Variants in SCD observed in about 807,000 individuals in gnomAD.
SCD encodes stearoyl-CoA desaturase.
A neutral mutation model predicts 35.7 loss-of-function variants in SCD; 4 were observed. The observed-to-expected ratio is 0.11, with a 90% CI of 0.06 to 0.26. The LOEUF (loss-of-function observed/expected upper bound fraction) is 0.26. SCD is among the 10% of genes least tolerant of loss of function. The pLI is 1.00. For missense variants in SCD, 282 were observed against 460.7 expected, an observed-to-expected ratio of 0.61 and a Z score of 3.55; for synonymous variants, 150 against 170.2, an observed-to-expected ratio of 0.88 and a Z score of 0.92.
At chr10:100,357,041 C>T (rs932975722) in intron 5 of SCD, among the ~76,000 whole-genome samples, 1 of 152,136 alleles carries the variant, frequency 6.6e-6, no homozygotes, top group African/African-American at 2.4e-5. Context: ...GCTCCGGGCC[C>T]GGCGGCTCAT....
intron 2 of SCD, among the ~76,000 whole-genome samples, chr10:100,349,360 C>T (rs1849847044): frequency 6.6e-6 from 1 of 152,218 alleles, no homozygotes; most frequent in African/African-American, 2.4e-5. Flanking sequence ...AAGCAGGGAG[C>T]TCTGCAGATC....
In SCD at chr10:100,347,494, C is replaced by A. The variant is rs1054411; in HGVS notation, c.-11C>A. 2 of 1,613,528 alleles carry A rather than the reference C, an allele frequency of 1.2e-6. No individual in the cohort carries two copies. The highest frequency in any genetic ancestry group is 1.7e-6 in the Non-Finnish European group (2 of 1,179,798). ...CCCCCTGGAAAGTGATCCCGGCATC[C>A]GAGAGCCAAGATGCCGGCCCACTTG... is the stretch of plus-strand genomic sequence containing the variant. On this transcript the variant is annotated 5_prime_UTR_variant, in exon 1 of 6. Transcript: ENST00000370355.
intron 3 of SCD, among the ~76,000 whole-genome samples, chr10:100,353,887 G>A (rs989835021): frequency 6.6e-6 from 1 of 152,256 alleles, no homozygotes; most frequent in Non-Finnish European, 1.5e-5. Flanking sequence ...AAGTCATGAA[G>A]AAGCCCAGAG....
At position 100,363,387 on chromosome 10, in the gene SCD, T is replaced by C. The variant is rs1850009262; in HGVS notation, c.*2454T>C. 6.6e-6 allele frequency: 1 copy of C among 152,254 alleles called. No individual in the cohort carries two copies. The highest frequency in any genetic ancestry group is 2.1e-4 in the South Asian group (1 of 4,834). 9.4% of individuals were successfully genotyped at this position (152,254 alleles called of 1,614,324 possible). On this transcript the variant is annotated 3_prime_UTR_variant, in exon 6 of 6. Transcript: ENST00000370355. ...CTGGAAGGGAGGAAGGCCTTTCTTC[T>C]GTGTTAATTGCGTAGAGGCTACAGG...
intron 1 of SCD, 41 bp from the exon 2 acceptor site, chr10:100,348,023 C>A (rs747877971): frequency 2.5e-6 from 4 of 1,594,414 alleles, no homozygotes; most frequent in African/African-American, 1.3e-5. Context: ...GCTGCCTCCA[C>A]GTGTCTCTTC....
In SCD at chr10:100,356,398, A is replaced by C. The variant is rs556561013; in HGVS notation, c.648-134A>C. 4 of 708,916 alleles carry C rather than the reference A, an allele frequency of 5.6e-6. No individual in the cohort carries two copies. Among genetic ancestry groups the C allele is most frequent in the Non-Finnish European group, 7.3e-6 (3 of 412,368 alleles). The allele number at this position is 708,916 out of a possible 1,614,324, so 43.9% of individuals were successfully genotyped here. A position where few individuals can be genotyped will look rare whatever the true frequency, so the allele number is the denominator to read the frequency against. On this transcript the variant is annotated intron_variant, in intron 4 of 5. Transcript: ENST00000370355. This position sits in a 1 kb window ranked among gnomAD's most constrained non-coding sequence, Gnocchi z 4.1. ...CAAAAAAAACAAACAAAAATAAATA[A>C]AACAATGAACTTAGAGTCAGACAAG...
Position 100,361,187 on chromosome 10 carries a change from C to T in SCD, c.*254C>T, listed in dbSNP as rs1849986533. 6.3e-6 allele frequency: 3 copies of T among 473,394 alleles called. No individual in the cohort carries two copies. Among genetic ancestry groups the T allele is most frequent in the East Asian group, 7.9e-5 (2 of 25,228 alleles). 29.3% of individuals were successfully genotyped at this position (473,394 alleles called of 1,614,324 possible). ...GTCCTCCTTTTCACTTTATTGCTAT[C>T]GCCCTCCTTTCCCTTATTGCCTCCC... On this transcript the variant is annotated 3_prime_UTR_variant, in exon 6 of 6. Coordinates refer to ENST00000370355, the MANE Select transcript of SCD (RefSeq NM_005063.5).
In SCD at chr10:100,347,487, C is replaced by T. The variant is rs924087783; in HGVS notation, c.-18C>T. On this transcript the variant is annotated 5_prime_UTR_variant, in exon 1 of 6. Transcript: ENST00000370355. ...GCCTCAGCCCCCTGGAAAGTGATCC[C>T]GGCATCCGAGAGCCAAGATGCCGGC... 1.2e-5 allele frequency: 20 copies of T among 1,613,744 alleles called. 1 individual carries two copies. The highest frequency in any genetic ancestry group is 3.3e-5 in the South Asian group (3 of 91,070).
chr10:100,356,646 T>C lies in SCD; in HGVS notation c.762T>C (p.Tyr254=). Residue 254 remains tyrosine, a synonymous_variant, in exon 5 of 6, where the codon TAT becomes TAC. Coordinates refer to ENST00000370355, the MANE Select transcript of SCD (RefSeq NM_005063.5). The surrounding 1 kb of genome is among the most constrained non-coding windows in gnomAD (Gnocchi z 4.1). ...NSVFVATFLR[Y]AVVLNATWLV... ...TGTTCGTTGCCACTTTCTTGCGATA[T>C]GCTGTGGTGCTTAATGCCACCTGGC... is the stretch of plus-strand genomic sequence containing the variant. The C allele has an allele frequency of 1.2e-6, 2 of 1,614,260 alleles. No individual in the cohort carries two copies. The highest frequency in any genetic ancestry group is 2.2e-5 in the East Asian group (1 of 44,890).
At chr10:100,354,765 A>G in intron 4 of SCD, 133 bp downstream of exon 4, 1 of 693,988 alleles carries the variant, frequency 1.4e-6, no homozygotes, top group Non-Finnish European at 2.5e-6. Flanking sequence ...ATCTTAATTT[A>G]AAATCCCAAT....
chr10:100,359,782 T>G (rs1459483009), intron 5 of SCD, among the ~76,000 whole-genome samples: 1 of 152,200 alleles, frequency 6.6e-6, no homozygotes, highest in Non-Finnish European at 1.5e-5. Flanking sequence ...CCATGCCTGA[T>G]TAGGGTCAGT....
At chr10:100,355,838 A>G (rs890200096) in intron 4 of SCD, among the ~76,000 whole-genome samples, 1 of 151,248 alleles carries the variant, frequency 6.6e-6, no homozygotes, top group Non-Finnish European at 1.5e-5. Flanking sequence ...TGAGGGACAG[A>G]GAGCTGCAGG....
At chr10:100,359,378 C>G (rs1258964843) in intron 5 of SCD, among the ~76,000 whole-genome samples, 1 of 152,128 alleles carries the variant, frequency 6.6e-6, no homozygotes, top group East Asian at 1.9e-4. Flanking sequence ...TGGGCTGTCT[C>G]TTGCTGCCCC....
intron 2 of SCD, among the ~76,000 whole-genome samples, chr10:100,348,980 C>A (rs545936545): frequency 6.6e-6 from 1 of 152,322 alleles, no homozygotes; most frequent in East Asian, 1.9e-4. Flanking sequence ...GGGTGCTGCA[C>A]ATACCAGTCA....
intron 3 of SCD, among the ~76,000 whole-genome samples, chr10:100,353,176 AT>A (rs1324579731): frequency 6.6e-6 from 1 of 152,232 alleles, no homozygotes; most frequent in Non-Finnish European, 1.5e-5. Flanking sequence ...AGGTACTATT[AT>A]CCCCATTTTA....
At chr10:100,348,464 A>G (rs1849832197) in intron 2 of SCD, 118 bp downstream of exon 2, 1 of 1,051,006 alleles carries the variant, frequency 9.5e-7, no homozygotes, top group Non-Finnish European at 1.4e-6. Context: ...GGTTTTTCTC[A>G]GGCATTTCTC....
rs1849924073 is a variant in SCD at position 100,356,051 on chromosome 10, A to G, written c.648-481A>G. Among the ~76,000 whole-genome samples, 1 of 152,194 alleles carries G rather than the reference A, an allele frequency of 6.6e-6. No homozygotes were observed. Among genetic ancestry groups the G allele is most frequent in the Admixed American group, 6.5e-5 (1 of 15,280 alleles). On this transcript the variant is annotated intron_variant, in intron 4 of 5. Coordinates refer to ENST00000370355, the MANE Select transcript of SCD (RefSeq NM_005063.5). This position sits in a 1 kb window ranked among gnomAD's most constrained non-coding sequence, Gnocchi z 4.1. ...TTAGTTTGTAGTTTGGACCTCACCT[A>G]TCTTACCAATGTGGTATTATGCTCT...
intron 1 of SCD, 79 bp from the exon 2 acceptor site, chr10:100,347,985 A>G: frequency 1.4e-6 from 2 of 1,415,484 alleles, no homozygotes; most frequent in Non-Finnish European, 2.0e-6. Context: ...CCCTTCCCCC[A>G]GCGTGATTAG....
chr10:100,355,966 A>G (rs969411380), intron 4 of SCD, among the ~76,000 whole-genome samples: 4 of 152,238 alleles, frequency 2.6e-5, no homozygotes, highest in Admixed American at 1.3e-4. Flanking sequence ...CTGATTAGAA[A>G]GAGAAAGGAG....
Sources: allele counts gnomAD v4.1 joint callset (sites outside exome capture counted in the v4.1 genomes callset), GRCh38; gene constraint gnomAD v4.1.1; non-coding constraint Gnocchi (gnomAD v3.1); transcripts MANE v1.5; gene names NCBI Gene and HGNC (gene_info 2026-07-23, HGNC 2026-07-21).